CWH43: variants seen among roughly 807,000 people sequenced by gnomAD.
CWH43 encodes cell wall biogenesis 43 C-terminal homolog, also known as PGAP2-interacting protein.
Under a neutral mutation model 85.7 loss-of-function variants are expected in CWH43, and 91 were observed. The observed-to-expected ratio is 1.06, with a 90% CI of 0.90 to 1.26. The LOEUF is 1.26. Among genes scored for constraint, CWH43 ranks in the 50% most tolerant of loss-of-function variants. CWH43 has a pLI of 0.00. For missense variants in CWH43, 869 were observed against 839.2 expected, an observed-to-expected ratio of 1.04 and a Z score of -0.44; for synonymous variants, 323 against 293.6, an observed-to-expected ratio of 1.10 and a Z score of -1.02.
At position 48,986,308 on chromosome 4, in the gene CWH43, G is replaced by A; in HGVS notation, c.-122G>A. The A allele has an allele frequency of 1.0e-6, 1 of 960,584 alleles. No homozygotes were observed. Among genetic ancestry groups the A allele is most frequent in the South Asian group, 1.7e-5 (1 of 59,138 alleles). The allele number at this position is 960,584 out of a possible 1,614,324, so 59.5% of individuals were successfully genotyped here. A position where few individuals can be genotyped will look rare whatever the true frequency, so the allele number is the denominator to read the frequency against. On this transcript the variant is annotated 5_prime_UTR_variant, in exon 1 of 16. Coordinates refer to ENST00000226432, the MANE Select transcript of CWH43 (RefSeq NM_025087.3). ...GGGGCTCACTTGGCAACGGGACGCG[G>A]GAACGAGGGGCGCGGACGCAGGCCC...
chr4:49,025,975 A>G (rs576731550), intron 9 of CWH43, among the ~76,000 whole-genome samples: 22 of 151,800 alleles, frequency 1.4e-4, no homozygotes, highest in Non-Finnish European at 1.6e-4. Context: ...AGGTAGGGGC[A>G]GGGTTAGGTG....
At chr4:48,996,652 G>A (rs115255892) in intron 5 of CWH43, among the ~76,000 whole-genome samples, 4 of 152,262 alleles carry the variant, frequency 2.6e-5, no homozygotes, top group African/African-American at 9.6e-5. Context: ...AAGTTTTGTG[G>A]CAGAGTAAAG....
chr4:49,061,928 A>G lies in CWH43; in HGVS notation c.*38A>G. On this transcript the variant is annotated 3_prime_UTR_variant, in exon 16 of 16. Coordinates refer to ENST00000226432, the MANE Select transcript of CWH43 (RefSeq NM_025087.3). ...AAGAAGTTATTGGCTGGGAAAATCTAAGAAAAAAAGTATGTAAGATAAAAA... is the reference window on the plus strand; with the variant it reads ...AAGAAGTTATTGGCTGGGAAAATCTGAGAAAAAAAGTATGTAAGATAAAAA... The G allele has an allele frequency of 7.8e-7, 1 of 1,282,900 alleles. No homozygotes were observed. Among genetic ancestry groups the G allele is most frequent in the South Asian group, 1.7e-5 (1 of 58,836 alleles). 79.5% of individuals were successfully genotyped at this position (1,282,900 alleles called of 1,614,324 possible). A position where few individuals can be genotyped will look rare whatever the true frequency, so the allele number is the denominator to read the frequency against.
chr4:49,028,857 C>G (rs1272548133), intron 10 of CWH43, 123 bp downstream of exon 10: 1 of 631,322 alleles, frequency 1.6e-6, no homozygotes, highest in African/African-American at 1.9e-5. Context: ...AGCAGATGAT[C>G]ATAAACTCAC....
intron 15 of CWH43, among the ~76,000 whole-genome samples, chr4:49,059,282 C>A (rs1294500082): frequency 6.6e-6 from 1 of 152,122 alleles, no homozygotes; most frequent in Non-Finnish European, 1.5e-5. Flanking sequence ...TGTTCCTTAG[C>A]TCTAGAATTT....
At position 49,028,647 on chromosome 4, in the gene CWH43, T is replaced by C. The variant is rs373531552; in HGVS notation, c.1285T>C (p.Ser429Pro). The stretch of plus-strand genomic sequence containing the variant: ...TCCTCAGGCACCAACCAAAGAGGTC[T>C]CTGCTGCCATCTGGCCTTTCAGGTT... ...LGKVAPTKEV[S>P]AAIWPFRFGY... The change falls in exon 10 of 16, where the codon TCT becomes CCT. Residue 429 changes from serine (S) to proline (P), a missense_variant. By Grantham distance (74) the Ser-to-Pro change is moderately conservative. Around this residue, in one of 3 missense-constraint regions of CWH43, gnomAD observed 577 missense variants for 513.1 expected, o/e 1.12. Transcript: ENST00000226432. 3 of 1,613,434 alleles carry C rather than the reference T, an allele frequency of 1.9e-6. No homozygotes were observed. Among genetic ancestry groups the C allele is most frequent in the Admixed American group, 3.3e-5 (2 of 59,944 alleles).
At chr4:48,991,611 G>A (rs746388339) in intron 3 of CWH43, 37 bp downstream of exon 3, 40 of 1,602,706 alleles carry the variant, frequency 2.5e-5, no homozygotes, top group South Asian at 3.4e-5. Context: ...AGACAAACAA[G>A]TATAACCAGT....
At chr4:49,029,917 C>A (rs915519552) in intron 10 of CWH43, among the ~76,000 whole-genome samples, 2 of 152,158 alleles carry the variant, frequency 1.3e-5, no homozygotes, top group African/African-American at 4.8e-5. Flanking sequence ...AAATAGTAAT[C>A]AATAAATACA....
chr4:49,016,837 C>A, intron 8 of CWH43: 1 of 779,932 alleles, frequency 1.3e-6, no homozygotes, highest in South Asian at 1.3e-5. Flanking sequence ...TCAATCAGTT[C>A]ATCTGACTCC....
chr4:49,003,932 A>C lies in CWH43; in HGVS notation c.1000A>C (p.Thr334Pro). The change falls in exon 7 of 16, where the codon ACA (threonine) becomes CCA (proline). Residue 334 changes from threonine to proline, a missense_variant. Physicochemically the swap from Thr to Pro is conservative, Grantham distance 38 (BLOSUM62 -1). Transcript: ENST00000226432. ...AGAAATATTTTTCTGTGCCTGGTGC[A>C]CAGCTTTTAAGTTTGTCCCAGGAGG... ...LLEIFFCAWC[T>P]AFKFVPGGVY... is the part of the protein sequence containing the mutation. 1 of 1,613,730 alleles carries C rather than the reference A, an allele frequency of 6.2e-7. No homozygotes were observed. Among genetic ancestry groups the C allele is most frequent in the Non-Finnish European group, 8.5e-7 (1 of 1,179,870 alleles).
intron 6 of CWH43, among the ~76,000 whole-genome samples, chr4:49,000,738 G>A (rs545735766): frequency 7.2e-5 from 11 of 152,258 alleles, no homozygotes; most frequent in East Asian, 1.9e-4. Flanking sequence ...TGAACCTACC[G>A]TCTTATGCTT....
intron 7 of CWH43, among the ~76,000 whole-genome samples, chr4:49,006,916 C>A (rs554462089): frequency 2.0e-5 from 3 of 152,146 alleles, no homozygotes; most frequent in Admixed American, 2.0e-4. Context: ...GTCATGAACA[C>A]GTTCAGCAAC....
intron 9 of CWH43, among the ~76,000 whole-genome samples, chr4:49,028,304 A>G (rs1355270636): frequency 6.6e-6 from 1 of 152,076 alleles, no homozygotes; most frequent in East Asian, 1.9e-4. Context: ...CATTCCACAT[A>G]GCACCATTTG....
Position 49,017,298 on chromosome 4 carries a change from T to C in CWH43, c.1236T>C (p.His412=). The C allele has an allele frequency of 6.2e-7, 1 of 1,612,330 alleles. No homozygotes were observed. Among genetic ancestry groups the C allele is most frequent in the Non-Finnish European group, 8.5e-7 (1 of 1,178,942 alleles). The change falls in exon 9 of 16, where the codon CAT becomes CAC. Residue 412 remains histidine, a synonymous_variant. Coordinates refer to ENST00000226432, the MANE Select transcript of CWH43 (RefSeq NM_025087.3). ...GATTGTTGGGATTAGGACTACGGCA[T>C]AAAGCCTATGAGAGAAAACTGGGCA... ...GVGLLGLGLR[H]KAYERKLGKV... is the part of the protein sequence containing the mutation.
At chr4:49,029,213 G>A (rs1011302123) in intron 10 of CWH43, among the ~76,000 whole-genome samples, 4 of 152,198 alleles carry the variant, frequency 2.6e-5, no homozygotes, top group Non-Finnish European at 1.5e-5. Context: ...TTGAGATGCT[G>A]TTAATCTGTA....
intron 13 of CWH43, among the ~76,000 whole-genome samples, chr4:49,041,446 A>C (rs1366649596): frequency 6.6e-6 from 1 of 152,076 alleles, no homozygotes; most frequent in Non-Finnish European, 1.5e-5. Context: ...GTTCTCCTTG[A>C]AGAGGTCCTT....
chr4:49,056,111 T>C (rs1397479389), intron 15 of CWH43, among the ~76,000 whole-genome samples: 2 of 115,570 alleles, frequency 1.7e-5, no homozygotes, highest in Non-Finnish European at 3.4e-5. Flanking sequence ...TTCCCCTTCC[T>C]GTGTCCATGT....
intron 14 of CWH43, among the ~76,000 whole-genome samples, chr4:49,047,406 A>T (rs544323293): frequency 6.6e-6 from 1 of 152,280 alleles, no homozygotes; most frequent in South Asian, 2.1e-4. Context: ...TAATTGCAGG[A>T]TGATCTATTT....
intron 8 of CWH43, among the ~76,000 whole-genome samples, chr4:49,015,851 ATTTCT>A (rs1425916969): frequency 6.6e-6 from 1 of 151,668 alleles, no homozygotes; most frequent in Non-Finnish European, 1.5e-5. Flanking sequence ...ACTCTATTTG[ATTTCT>A]TTTCAAAATT....
Sources: allele counts gnomAD v4.1 joint callset (sites outside exome capture counted in the v4.1 genomes callset), GRCh38; gene constraint gnomAD v4.1.1; regional missense constraint gnomAD v4.1.1; transcripts MANE v1.5; gene names NCBI Gene and HGNC (gene_info 2026-07-23, HGNC 2026-07-21).